IQCH: variants seen among roughly 807,000 people sequenced by gnomAD.
IQCH encodes the protein IQ domain-containing protein H.
In IQCH, 98 loss-of-function variants were observed where a neutral mutation model predicts 117.0. That is an observed-to-expected ratio of 0.84 (90% CI 0.71 to 0.99). IQCH has a LOEUF of 0.99. Ranked by LOEUF, IQCH falls within the 50% of genes least tolerant of loss-of-function variation. The pLI is 0.00. For synonymous variants in IQCH, 412 were observed against 448.2 expected (o/e 0.92, Z 1.02); for missense variants, 1,102 against 1,243.8 (o/e 0.89, Z 1.72).
intron 4 of IQCH, among the ~76,000 whole-genome samples, chr15:67,296,689 A>G (rs1966854519): frequency 6.6e-6 from 1 of 152,168 alleles, no homozygotes; most frequent in African/African-American, 2.4e-5. Flanking sequence ...AGAGTCCATC[A>G]CCTAACATTT....
intron 4 of IQCH, among the ~76,000 whole-genome samples, chr15:67,291,517 A>G (rs563771957): frequency 1.3e-5 from 2 of 152,344 alleles, no homozygotes; most frequent in South Asian, 4.1e-4. Flanking sequence ...ACAGCAATGT[A>G]CATTTGTATC....
At chr15:67,314,934 G>T (rs916535444) in intron 4 of IQCH, among the ~76,000 whole-genome samples, 1 of 152,152 alleles carries the variant, frequency 6.6e-6, no homozygotes, top group African/African-American at 2.4e-5. Context: ...ACAGGAAGAG[G>T]TATGGTTTTA....
chr15:67,298,180 A>G (rs1164062422), intron 4 of IQCH, among the ~76,000 whole-genome samples: 2 of 151,672 alleles, frequency 1.3e-5, no homozygotes, highest in Non-Finnish European at 2.9e-5. Flanking sequence ...GTGGTGTCGT[A>G]GCCTGTAATC....
intron 3 of IQCH, 45 bp from the exon 4 acceptor site, chr15:67,279,350 T>C (rs546852691): frequency 9.2e-7 from 1 of 1,082,556 alleles, no homozygotes; most frequent in African/African-American, 1.6e-5. Context: ...TGAAAAGCTT[T>C]TAAAATAGCA....
chr15:67,324,628 A>AG (rs1968320347), intron 4 of IQCH, among the ~76,000 whole-genome samples: 1 of 150,476 alleles, frequency 6.6e-6, no homozygotes, highest in Non-Finnish European at 1.5e-5. Context: ...AAAAAAAAAA[A>AG]GAAGTCAAAA....
At chr15:67,281,963 T>G (rs1326967788) in intron 4 of IQCH, 17 of 354,402 alleles carry the variant, frequency 4.8e-5, no homozygotes, top group Non-Finnish European at 7.2e-5. Context: ...ACATTGGGTC[T>G]GTCAGCCACT....
chr15:67,287,014 G>GCAC (rs1966588762), intron 4 of IQCH, among the ~76,000 whole-genome samples: 1 of 152,096 alleles, frequency 6.6e-6, no homozygotes, highest in East Asian at 1.9e-4. Context: ...TACTTTTTCA[G>GCAC]CACCAATTGA....
intron 16 of IQCH, among the ~76,000 whole-genome samples, chr15:67,444,639 C>G (rs1226038231): frequency 6.6e-6 from 1 of 152,146 alleles, no homozygotes; most frequent in African/African-American, 2.4e-5. Flanking sequence ...TAAATGCCAT[C>G]TAGATATCTA....
At chr15:67,489,057 G>A (rs185392822) in intron 18 of IQCH, among the ~76,000 whole-genome samples, 46 of 150,048 alleles carry the variant, frequency 3.1e-4, no homozygotes, top group East Asian at 1.6e-3. Flanking sequence ...TTTTTTAGAC[G>A]GAGTCTCGCT....
At chr15:67,444,651 T>G (rs1452057316) in intron 16 of IQCH, among the ~76,000 whole-genome samples, 1 of 152,238 alleles carries the variant, frequency 6.6e-6, no homozygotes, top group Non-Finnish European at 1.5e-5. Context: ...AGATATCTAT[T>G]ATGGGTTTTA....
intron 8 of IQCH, among the ~76,000 whole-genome samples, chr15:67,371,121 A>G (rs1331223326): frequency 6.6e-6 from 1 of 152,188 alleles, no homozygotes; most frequent in East Asian, 1.9e-4. Flanking sequence ...CAATTATTAC[A>G]GTAAGTTAAT....
chr15:67,344,337 A>C, intron 6 of IQCH, 146 bp downstream of exon 6: 1 of 586,170 alleles, frequency 1.7e-6, no homozygotes, highest in Non-Finnish European at 2.9e-6. Flanking sequence ...ACATTCCCAC[A>C]GTCAGCTATT....
In IQCH at chr15:67,307,162, G is replaced by A. The variant is rs939435302; in HGVS notation, c.387+27650G>A. 1.9e-5 allele frequency: 19 copies of A among 1,017,628 alleles called. No homozygotes were observed. The East Asian group carries it at 2.2e-4, about 12-fold the overall frequency. The allele number at this position is 1,017,628 out of a possible 1,614,324, so 63.0% of individuals were successfully genotyped here. ...TCTTTTTGGCAAGATGTGAGTTGCTGTAGAATTATACCAGTTCTTTGGTTC... is the reference window on the plus strand; with the variant it reads ...TCTTTTTGGCAAGATGTGAGTTGCTATAGAATTATACCAGTTCTTTGGTTC... On this transcript the variant is annotated intron_variant, in intron 4 of 20. Transcript: ENST00000335894.
Position 67,422,316 on chromosome 15 carries a change from A to T in IQCH, c.2505+739A>T, listed in dbSNP as rs956656499. Reference sequence around the variant, plus strand: ...TTTCTGTTCCTTTTCTTATCAGACAACTTAGATTGTCTCATTTTTTTCTTT... The same window carrying T: ...TTTCTGTTCCTTTTCTTATCAGACATCTTAGATTGTCTCATTTTTTTCTTT... On this transcript the variant is annotated intron_variant, in intron 16 of 20. Transcript: ENST00000335894. The surrounding 1 kb of genome is among the most constrained non-coding windows in gnomAD (Gnocchi z 4.7). Among the ~76,000 whole-genome samples, 6 of 152,142 alleles carry T rather than the reference A, an allele frequency of 3.9e-5. No homozygotes were observed. Among genetic ancestry groups the T allele is most frequent in the African/African-American group, 1.4e-4 (6 of 41,424 alleles).
intron 17 of IQCH, among the ~76,000 whole-genome samples, chr15:67,471,087 A>G (rs1038011886): frequency 8.5e-5 from 13 of 152,198 alleles, no homozygotes; most frequent in African/African-American, 3.1e-4. Flanking sequence ...TGGATGTGCC[A>G]TAATTTATGT....
intron 18 of IQCH, among the ~76,000 whole-genome samples, chr15:67,477,496 T>C (rs2083235083): frequency 6.6e-6 from 1 of 152,172 alleles, no homozygotes; most frequent in Non-Finnish European, 1.5e-5. Flanking sequence ...TTCGTGCTGT[T>C]TGCAGACACA....
intron 15 of IQCH, among the ~76,000 whole-genome samples, chr15:67,420,073 G>A (rs930053349): frequency 2.0e-5 from 3 of 152,136 alleles, no homozygotes; most frequent in Admixed American, 6.5e-5. Context: ...CCCAGCAACT[G>A]GTATTTAGGT....
chr15:67,263,102 C>A lies in IQCH; in HGVS notation c.175-20C>A. ...CTTAAGTCCACAATAATTGCCTAAA[C>A]TTTGACATTTCTGTAACAGATTCAC... On this transcript the variant is annotated intron_variant, in intron 2 of 20. Transcript: ENST00000335894. The A allele has an allele frequency of 7.7e-7, 1 of 1,293,186 alleles. No homozygotes were observed. Among genetic ancestry groups the A allele is most frequent in the Non-Finnish European group, 1.1e-6 (1 of 890,070 alleles). 80.1% of individuals were successfully genotyped at this position (1,293,186 alleles called of 1,614,324 possible). A position where few individuals can be genotyped will look rare whatever the true frequency, so the allele number is the denominator to read the frequency against.
At chr15:67,308,132 T>G (rs1283931501) in intron 4 of IQCH, among the ~76,000 whole-genome samples, 2 of 152,176 alleles carry the variant, frequency 1.3e-5, no homozygotes, top group Non-Finnish European at 2.9e-5. Context: ...TTCCGCCTGC[T>G]GTAAGCTGGC....
Sources: allele counts gnomAD v4.1 joint callset (sites outside exome capture counted in the v4.1 genomes callset), GRCh38; gene constraint gnomAD v4.1.1; non-coding constraint Gnocchi (gnomAD v3.1); transcripts MANE v1.5; gene names NCBI Gene and HGNC (gene_info 2026-07-23, HGNC 2026-07-21).